Variants in UBE3D observed in about 807,000 individuals in gnomAD.
UBE3D encodes ubiquitin protein ligase E3D, also known as E3 ubiquitin-protein ligase E3D.
A neutral mutation model predicts 49.6 loss-of-function variants in UBE3D; 48 were observed. That is an observed-to-expected ratio of 0.97 (90% CI 0.77 to 1.23). The LOEUF is 1.23. Among genes scored for constraint, UBE3D ranks in the 50% most tolerant of loss-of-function variants. The probability of loss-of-function intolerance (pLI) is 0.00; values close to 1 mark genes in which losing one functional copy is unlikely to be tolerated. For missense variants in UBE3D, 452 were observed against 468.4 expected (o/e 0.96, Z 0.32); for synonymous variants, 189 against 174.2 (o/e 1.08, Z -0.67).
At chr6:82,899,179 A>G (rs1415165441) in intron 9 of UBE3D, among the ~76,000 whole-genome samples, 1 of 152,154 alleles carries the variant, frequency 6.6e-6, no homozygotes, top group Non-Finnish European at 1.5e-5. Context: ...TCCCCCTAGG[A>G]TGCTGGCCTG....
At chr6:83,008,103 G>GT (rs1780102916) in intron 8 of UBE3D, among the ~76,000 whole-genome samples, 1 of 152,130 alleles carries the variant, frequency 6.6e-6, no homozygotes, top group Admixed American at 6.5e-5. Flanking sequence ...CTTGATTAGG[G>GT]TTTCTCAAAT....
chr6:83,041,734 CAACT>C (rs1782685290), intron 4 of UBE3D, among the ~76,000 whole-genome samples: 3 of 151,928 alleles, frequency 2.0e-5, no homozygotes, highest in Non-Finnish European at 1.5e-5. Flanking sequence ...TTACCAAAAG[CAACT>C]AATAATTACT....
chr6:82,929,553 G>T (rs567394870), intron 9 of UBE3D, among the ~76,000 whole-genome samples: 1 of 151,488 alleles, frequency 6.6e-6, no homozygotes, highest in Admixed American at 6.6e-5. Context: ...ACTTTAGTGG[G>T]TTTTTTTGTT....
At position 83,040,417 on chromosome 6, in the gene UBE3D, A is replaced by T. The variant is rs1010503071; in HGVS notation, c.598-1932T>A. On this transcript the variant is annotated intron_variant, in intron 4 of 9. Coordinates refer to ENST00000369747, the MANE Select transcript of UBE3D (RefSeq NM_198920.3). Reference sequence around the variant, plus strand: ...TCTCTCTCTCTCTATATATATATATATTCAATCAGGGGTCAAAGTCAAGAG... The same window carrying T: ...TCTCTCTCTCTCTATATATATATATTTTCAATCAGGGGTCAAAGTCAAGAG... Among the ~76,000 whole-genome samples, 9 of 151,404 alleles carry T rather than the reference A, an allele frequency of 5.9e-5. No individual in the cohort carries two copies. In the East Asian group the frequency reaches 1.4e-3, roughly 23 times the overall value.
chr6:82,891,893 GGT>G (rs1562055712), downstream of UBE3D, among the ~76,000 whole-genome samples: 2 of 152,166 alleles, frequency 1.3e-5, no homozygotes, highest in Admixed American at 1.3e-4. Flanking sequence ...CAGGTGTGAT[GGT>G]GGGTGCCTGT....
intron 9 of UBE3D, among the ~76,000 whole-genome samples, chr6:82,942,854 C>G (rs1032852151): frequency 2.0e-5 from 3 of 152,340 alleles, no homozygotes; most frequent in Admixed American, 2.0e-4. Flanking sequence ...AGCCCCCACA[C>G]AGAGTACCCA....
chr6:82,898,014 C>T (rs550617754), intron 9 of UBE3D, among the ~76,000 whole-genome samples: 4 of 152,216 alleles, frequency 2.6e-5, no homozygotes, highest in African/African-American at 7.2e-5. Context: ...AAAAAGTGGG[C>T]GAAGGATATG....
chr6:83,027,024 G>C (rs1367119596), intron 5 of UBE3D, among the ~76,000 whole-genome samples: 1 of 151,972 alleles, frequency 6.6e-6, no homozygotes, highest in Non-Finnish European at 1.5e-5. Flanking sequence ...TTGTTTTATA[G>C]TTAATATTCA....
the UBE3D span, among the ~76,000 whole-genome samples, chr6:82,881,419 G>A: frequency 1.3e-5 from 2 of 152,190 alleles, no homozygotes; most frequent in Non-Finnish European, 2.9e-5. Context: ...GGAGGATTAT[G>A]AGGAGGGGCT....
At chr6:82,972,136 A>G (rs549997327) in intron 8 of UBE3D, among the ~76,000 whole-genome samples, 5 of 152,304 alleles carry the variant, frequency 3.3e-5, no homozygotes, top group African/African-American at 1.2e-4. Context: ...ATGCAACCAC[A>G]GAGTTCCATT....
rs1156620624 is a variant in UBE3D, at chr6:82,911,196, CAAAAAAAAAAA to C, written c.1150-18165_1150-18155del. Reference sequence around the variant, plus strand: ...GTAGGTCACAGCAAGAACATTTTGGCAAAAAAAAAAAAAAAAAAAAAAAAAAACTCAGGGGG... The same window carrying C: ...GTAGGTCACAGCAAGAACATTTTGGCAAAAAAAAAAAAAAAACTCAGGGGG... On this transcript the variant is annotated intron_variant, in intron 9 of 9. Coordinates refer to ENST00000369747, the MANE Select transcript of UBE3D (RefSeq NM_198920.3). Among the ~76,000 whole-genome samples the C allele has an allele frequency of 2.7e-3, 107 of 39,332 alleles. 1 individual carries two copies. In the South Asian group the frequency reaches 0.057, roughly 21 times the overall value. The allele number at this position is 39,332 out of a possible 152,430, so 25.8% of individuals were successfully genotyped here.
chr6:82,923,363 A>C (rs1773498171), intron 9 of UBE3D, among the ~76,000 whole-genome samples: 1 of 152,212 alleles, frequency 6.6e-6, no homozygotes, highest in Non-Finnish European at 1.5e-5. Context: ...TATAAACCAT[A>C]GAATACTACG....
the UBE3D span, among the ~76,000 whole-genome samples, chr6:82,882,924 A>C: frequency 6.6e-6 from 1 of 152,220 alleles, no homozygotes; most frequent in Non-Finnish European, 1.5e-5. Flanking sequence ...CAGAGAATGC[A>C]GCTTCTACTA....
At chr6:82,884,891 A>G in the UBE3D span, among the ~76,000 whole-genome samples, 1 of 152,228 alleles carries the variant, frequency 6.6e-6, no homozygotes, top group Non-Finnish European at 1.5e-5. Context: ...TTACATAAAA[A>G]GTAAATTGAA....
At chr6:83,014,876 T>A (rs1780587483) in intron 8 of UBE3D, among the ~76,000 whole-genome samples, 1 of 152,196 alleles carries the variant, frequency 6.6e-6, no homozygotes, top group African/African-American at 2.4e-5. Flanking sequence ...CTTTTATAAT[T>A]CAAATTAGTC....
At chr6:82,980,492 T>C (rs62419170) in intron 8 of UBE3D, among the ~76,000 whole-genome samples, 26,852 of 152,012 alleles carry the variant, frequency 0.18, 2,538 homozygotes, top group African/African-American at 0.24. Context: ...CTGTCAGTTG[T>C]ATATTTTACA....
At chr6:82,962,589 T>A (rs1776633816) in intron 8 of UBE3D, among the ~76,000 whole-genome samples, 1 of 152,252 alleles carries the variant, frequency 6.6e-6, no homozygotes, top group Non-Finnish European at 1.5e-5. Context: ...GACATTTGCA[T>A]GGTATGTAAA....
intron 9 of UBE3D, among the ~76,000 whole-genome samples, chr6:82,931,330 G>A (rs1407759328): frequency 2.0e-5 from 3 of 152,212 alleles, no homozygotes; most frequent in African/African-American, 4.8e-5. Flanking sequence ...TCGGAGCCCC[G>A]ACCCAGAGTC....
At chr6:82,905,439 G>A (rs922882024) in intron 9 of UBE3D, among the ~76,000 whole-genome samples, 3 of 152,048 alleles carry the variant, frequency 2.0e-5, no homozygotes, top group Non-Finnish European at 2.9e-5. Context: ...AAACTTAATC[G>A]ATAAATGTTG....
Sources: allele counts gnomAD v4.1 joint callset (sites outside exome capture counted in the v4.1 genomes callset), GRCh38; gene constraint gnomAD v4.1.1; transcripts MANE v1.5; gene names NCBI Gene and HGNC (gene_info 2026-07-23, HGNC 2026-07-21).